EFCAB7: variants seen among roughly 807,000 people sequenced by gnomAD.
EFCAB7 encodes the protein EF-hand calcium-binding domain-containing protein 7.
EFCAB7 carries 66 observed loss-of-function variants against 77.1 expected under a neutral mutation model. The observed-to-expected ratio is 0.86, with a 90% CI of 0.70 to 1.05. The LOEUF (loss-of-function observed/expected upper bound fraction) is 1.05, where lower values mean the gene tolerates loss of function less well. EFCAB7 is among the 50% of genes least tolerant of loss of function. The pLI, the probability that EFCAB7 is intolerant of heterozygous loss-of-function variation, is 0.00. For synonymous variants in EFCAB7, 225 were observed against 243.3 expected (o/e 0.92, Z 0.70); for missense variants, 638 against 730.5 (o/e 0.87, Z 1.46).
intron 7 of EFCAB7, chr1:63,549,224 T>A (rs1646936909): frequency 2.5e-6 from 1 of 405,408 alleles, no homozygotes; most frequent in South Asian, 2.0e-5. Flanking sequence ...GACATGAGAT[T>A]AAGGTTTAAT....
intron 2 of EFCAB7, among the ~76,000 whole-genome samples, chr1:63,531,363 C>T (rs559761551): frequency 6.6e-6 from 1 of 152,226 alleles, no homozygotes; most frequent in Non-Finnish European, 1.5e-5. Context: ...ACAGGATTTC[C>T]TCCTTCTTTA....
chr1:63,571,654 G>A, intron 13 of EFCAB7, among the ~76,000 whole-genome samples: 1 of 108,028 alleles, frequency 9.3e-6, no homozygotes, highest in African/African-American at 3.6e-5. Context: ...TGAGCGACAA[G>A]AGTGAGACTC....
chr1:63,533,305 C>G, intron 4 of EFCAB7, 149 bp from the exon 5 acceptor site: 1 of 589,236 alleles, frequency 1.7e-6, no homozygotes, highest in Non-Finnish European at 2.9e-6. Context: ...GCTGGTCAAT[C>G]TGATTCAAAA....
chr1:63,548,472 G>GT (rs1489946548), intron 7 of EFCAB7: 1 of 152,020 alleles, frequency 6.6e-6, no homozygotes, highest in Non-Finnish European at 1.5e-5. Flanking sequence ...GGGTTTTTTT[G>GT]TTTTTTGGTA....
Position 63,546,033 on chromosome 1 carries a change from C to T in EFCAB7, c.922C>T (p.Pro308Ser), listed in dbSNP as rs1262928153. The T allele has an allele frequency of 1.2e-6, 2 of 1,610,344 alleles. No individual in the cohort carries two copies. The highest frequency in any genetic ancestry group is 1.7e-6 in the Non-Finnish European group (2 of 1,179,234). Reference protein sequence around the residue: ...QRSMVYLTIKPLNLSQVEGKP... With the variant: ...QRSMVYLTIKSLNLSQVEGKP... ...GTCCATGGTTTATCTAACAATTAAGCCATTAAACCTGAGTCAAGTTGAAGG... is the reference window on the plus strand; with the variant it reads ...GTCCATGGTTTATCTAACAATTAAGTCATTAAACCTGAGTCAAGTTGAAGG... The change falls in exon 7 of 14, where the codon CCA (proline) becomes TCA (serine). Residue 308 changes from proline to serine, a missense_variant. Physicochemically the swap from Pro to Ser is moderately conservative, Grantham distance 74. Coordinates refer to ENST00000371088, the MANE Select transcript of EFCAB7 (RefSeq NM_032437.4).
intron 11 of EFCAB7, 84 bp downstream of exon 11, chr1:63,561,941 G>A (rs898520190): frequency 9.6e-6 from 10 of 1,038,772 alleles, no homozygotes; most frequent in South Asian, 6.9e-5. Flanking sequence ...TATAACTTTC[G>A]AATTGGGCAC....
intron 11 of EFCAB7, among the ~76,000 whole-genome samples, chr1:63,566,252 A>T (rs2100925802): frequency 6.6e-6 from 1 of 152,378 alleles, no homozygotes; most frequent in South Asian, 2.1e-4. Context: ...AGGAACTGAA[A>T]ACCAAATGCC....
the EFCAB7 span, among the ~76,000 whole-genome samples, chr1:63,581,936 G>A: frequency 6.6e-6 from 1 of 152,064 alleles, no homozygotes; most frequent in Non-Finnish European, 1.5e-5. Flanking sequence ...ATTCATAGTC[G>A]AGACAAACGT....
intron 6 of EFCAB7, among the ~76,000 whole-genome samples, chr1:63,539,655 A>G (rs962092180): frequency 6.6e-6 from 1 of 152,172 alleles, no homozygotes; most frequent in Non-Finnish European, 1.5e-5. Context: ...TTGTCAATCA[A>G]AAGAGAAGTC....
At chr1:63,524,584 T>C (rs1306596729) in intron 1 of EFCAB7, among the ~76,000 whole-genome samples, 3 of 152,212 alleles carry the variant, frequency 2.0e-5, no homozygotes, top group East Asian at 3.9e-4. Context: ...ACTTGAAATA[T>C]TCAATTTATT....
chr1:63,556,971 G>A, intron 9 of EFCAB7, 143 bp from the exon 10 acceptor site: 1 of 505,268 alleles, frequency 2.0e-6, no homozygotes, highest in Non-Finnish European at 3.1e-6. Context: ...CCAGGAGGCG[G>A]TGCTTGCAGT....
At chr1:63,571,267 A>G (rs1441346381) in intron 13 of EFCAB7, 139 bp downstream of exon 13, 8 of 601,556 alleles carry the variant, frequency 1.3e-5, no homozygotes, top group East Asian at 5.9e-5. Context: ...GTATCATTCT[A>G]TACTCAGAGA....
chr1:63,562,449 TTATATATATATA>T (rs869302346), intron 11 of EFCAB7, among the ~76,000 whole-genome samples: 185 of 22,474 alleles, frequency 8.2e-3, no homozygotes, highest in Non-Finnish European at 0.011. Flanking sequence ...CTTAATTTAT[TTATATATATATA>T]TATATATATA....
intron 6 of EFCAB7, 56 bp downstream of exon 6, chr1:63,534,272 TTATTAA>T: frequency 6.6e-7 from 1 of 1,526,182 alleles, no homozygotes; most frequent in East Asian, 2.3e-5. Flanking sequence ...GACATTAAGT[TTATTAA>T]TAACTGTGCA....
intron 7 of EFCAB7, chr1:63,549,147 C>T (rs1174875030): frequency 6.5e-6 from 2 of 305,772 alleles, no homozygotes; most frequent in African/African-American, 4.6e-5. Flanking sequence ...TGACCTGTAG[C>T]AGAGAACCAA....
At chr1:63,530,262 C>T (rs1267056420) in intron 2 of EFCAB7, among the ~76,000 whole-genome samples, 1 of 152,078 alleles carries the variant, frequency 6.6e-6, no homozygotes, top group Non-Finnish European at 1.5e-5. Flanking sequence ...TCCAGATTAT[C>T]ATTTTTTGAT....
intron 6 of EFCAB7, among the ~76,000 whole-genome samples, chr1:63,535,675 T>C (rs1646754218): frequency 6.6e-6 from 1 of 152,128 alleles, no homozygotes; most frequent in Non-Finnish European, 1.5e-5. Flanking sequence ...TTAAATCGTA[T>C]GTAAACATAT....
chr1:63,573,944 G>A (rs570772290), downstream of EFCAB7, among the ~76,000 whole-genome samples: 14 of 152,224 alleles, frequency 9.2e-5, no homozygotes, highest in East Asian at 1.9e-4. Context: ...AATAAAGGCC[G>A]GTCAGTTATC....
chr1:63,562,445 T>TA (rs1647113877), intron 11 of EFCAB7, among the ~76,000 whole-genome samples: 1 of 71,090 alleles, frequency 1.4e-5, no homozygotes, highest in African/African-American at 5.6e-5. Context: ...CCTTCTTAAT[T>TA]TATTTATATA....
Sources: gnomAD v4.1 joint callset for allele counts (sites outside exome capture counted in the v4.1 genomes callset) on GRCh38, gnomAD v4.1.1 for gene constraint, MANE v1.5 for transcripts, NCBI Gene and HGNC (gene_info 2026-07-23, HGNC 2026-07-21) for gene names.